SLC4A10: variants seen among roughly 807,000 people sequenced by gnomAD.
SLC4A10 encodes the protein sodium-driven chloride bicarbonate exchanger.
SLC4A10 carries 42 observed loss-of-function variants against 137.7 expected under a neutral mutation model. The ratio of observed to expected loss-of-function variants is 0.30; its 90% CI spans 0.24 to 0.39. The LOEUF (loss-of-function observed/expected upper bound fraction) is 0.39. Among genes scored for constraint, SLC4A10 ranks in the 10% least tolerant of loss-of-function variants. SLC4A10 has a pLI of 1.00. For synonymous variants in SLC4A10, 474 were observed against 464.1 expected (o/e 1.02, Z -0.27); for missense variants, 925 against 1,355.0 (o/e 0.68, Z 4.98).
At chr2:161,845,646 G>C (rs1234266636) in intron 4 of SLC4A10, among the ~76,000 whole-genome samples, 4 of 151,954 alleles carry the variant, frequency 2.6e-5, no homozygotes, top group African/African-American at 7.3e-5. Flanking sequence ...TAAATCACTG[G>C]AACGGAATAG....
At chr2:161,766,010 A>G (rs2050762479) in intron 1 of SLC4A10, among the ~76,000 whole-genome samples, 2 of 152,118 alleles carry the variant, frequency 1.3e-5, no homozygotes, top group Non-Finnish European at 2.9e-5. Context: ...TAGTACATGT[A>G]TTAGTATTAA....
chr2:161,718,291 T>C (rs2045191019), intron 1 of SLC4A10, among the ~76,000 whole-genome samples: 2 of 152,152 alleles, frequency 1.3e-5, no homozygotes, highest in South Asian at 4.1e-4. Flanking sequence ...TGTGTCTCTC[T>C]CCTTCAGTTC....
chr2:161,748,839 G>A (rs1004458087), intron 1 of SLC4A10, among the ~76,000 whole-genome samples: 1 of 151,876 alleles, frequency 6.6e-6, no homozygotes, highest in African/African-American at 2.4e-5. Context: ...TTTTGATAGG[G>A]GTTGTGTTGA....
At chr2:161,703,266 A>T (rs2043308149) in intron 1 of SLC4A10, among the ~76,000 whole-genome samples, 1 of 151,744 alleles carries the variant, frequency 6.6e-6, no homozygotes, top group African/African-American at 2.4e-5. Context: ...AAATGGAAAA[A>T]ATGGGAAAGT....
At position 161,933,179 on chromosome 2, in the gene SLC4A10, C is replaced by CTTTTT. The variant is rs1381155695; in HGVS notation, c.1998-9611_1998-9610insTTTTT. ...TCCTCTTTCTTTCTCTTTCCCCTTC[C>CTTTTT]TTCTTTTCTTTCTTTCTTTCTTTCT... On this transcript the variant is annotated intron_variant, in intron 15 of 26. Transcript: ENST00000446997. 6.4e-4 allele frequency among the ~76,000 whole-genome samples: 76 copies of CTTTTT among 118,724 alleles called. 1 individual carries two copies. The highest frequency in any genetic ancestry group is 4.5e-3 in the Middle Eastern group (1 of 224). 77.9% of individuals were successfully genotyped at this position (118,724 alleles called of 152,430 possible).
chr2:161,742,452 T>G (rs1412042464), intron 1 of SLC4A10, among the ~76,000 whole-genome samples: 2 of 145,084 alleles, frequency 1.4e-5, no homozygotes, highest in Non-Finnish European at 3.0e-5. Context: ...TTTTTTTTTT[T>G]TTTTTTTGAG....
At chr2:161,835,523 C>G (rs1405112471) in intron 3 of SLC4A10, among the ~76,000 whole-genome samples, 1 of 152,178 alleles carries the variant, frequency 6.6e-6, no homozygotes. Context: ...TGAGGATGAG[C>G]TTCCTGGAGG....
intron 3 of SLC4A10, 38 bp from the exon 4 acceptor site, chr2:161,839,751 A>G (rs184668041): frequency 2.5e-6 from 4 of 1,609,742 alleles, no homozygotes; most frequent in East Asian, 2.2e-5. Context: ...GGTCGTGGTA[A>G]TACATGTTCA....
chr2:161,817,663 G>T (rs2057221618), intron 3 of SLC4A10, among the ~76,000 whole-genome samples: 1 of 152,162 alleles, frequency 6.6e-6, no homozygotes, highest in South Asian at 2.1e-4. Context: ...TGTATATGGT[G>T]TAAGGAAGGG....
At chr2:161,655,202 T>C (rs1298476851) in intron 1 of SLC4A10, among the ~76,000 whole-genome samples, 2 of 152,190 alleles carry the variant, frequency 1.3e-5, no homozygotes, top group African/African-American at 2.4e-5. Flanking sequence ...ATACAAATAA[T>C]TTTTGTATGT....
chr2:161,687,024 G>A (rs562485154), intron 1 of SLC4A10, among the ~76,000 whole-genome samples: 3 of 151,860 alleles, frequency 2.0e-5, no homozygotes, highest in Admixed American at 6.6e-5. Context: ...CTGGACTATA[G>A]GCACACGCCA....
intron 3 of SLC4A10, among the ~76,000 whole-genome samples, chr2:161,831,198 T>C (rs925258875): frequency 6.6e-6 from 1 of 152,210 alleles, no homozygotes. Context: ...TATGACACTA[T>C]ATTATCATTG....
At chr2:161,695,884 CAATT>C (rs1284007219) in intron 1 of SLC4A10, among the ~76,000 whole-genome samples, 10 of 152,118 alleles carry the variant, frequency 6.6e-5, no homozygotes, top group East Asian at 5.8e-4. Flanking sequence ...GGCTACCTGA[CAATT>C]ATTTATTTAT....
intron 1 of SLC4A10, among the ~76,000 whole-genome samples, chr2:161,646,783 A>T (rs1277635912): frequency 2.0e-5 from 3 of 152,066 alleles, no homozygotes; most frequent in African/African-American, 7.2e-5. Context: ...CCAGTGCCAT[A>T]GATATTTTTT....
intron 3 of SLC4A10, among the ~76,000 whole-genome samples, chr2:161,821,449 A>G (rs963176831): frequency 6.6e-6 from 1 of 152,180 alleles, no homozygotes; most frequent in Non-Finnish European, 1.5e-5. Flanking sequence ...ATCCATCAAC[A>G]CAGGAGAAAT....
At chr2:161,778,936 C>T (rs1371905500) in intron 2 of SLC4A10, among the ~76,000 whole-genome samples, 2 of 151,828 alleles carry the variant, frequency 1.3e-5, no homozygotes, top group Admixed American at 6.6e-5. Context: ...CACTATAGAC[C>T]TGTCTTAGTT....
intron 1 of SLC4A10, among the ~76,000 whole-genome samples, chr2:161,667,679 A>G: frequency 6.6e-6 from 1 of 151,670 alleles, no homozygotes; most frequent in Non-Finnish European, 1.5e-5. Flanking sequence ...TATTGAATAT[A>G]TATGTACATA....
At chr2:161,919,419 C>T (rs1400036857) in intron 15 of SLC4A10, among the ~76,000 whole-genome samples, 1 of 152,122 alleles carries the variant, frequency 6.6e-6, no homozygotes, top group African/African-American at 2.4e-5. Flanking sequence ...ACTTTTGCTG[C>T]TCACCCATGG....
intron 1 of SLC4A10, among the ~76,000 whole-genome samples, chr2:161,637,202 AAGAG>A (rs1232132481): frequency 2.6e-4 from 38 of 147,290 alleles, no homozygotes; most frequent in African/African-American, 8.4e-4. Context: ...GAGAGAGAGA[AAGAG>A]AGAGAGAGAG....
Sources: allele counts gnomAD v4.1 joint callset (sites outside exome capture counted in the v4.1 genomes callset), GRCh38; gene constraint gnomAD v4.1.1; transcripts MANE v1.5; gene names NCBI Gene and HGNC (gene_info 2026-07-23, HGNC 2026-07-21).